Variants in BAG4 observed in about 807,000 individuals in gnomAD.
BAG4 encodes the protein BAG family molecular chaperone regulator 4.
In BAG4, 28 loss-of-function variants were observed where a neutral mutation model predicts 52.1. The observed-to-expected ratio is 0.54, with a 90% CI of 0.40 to 0.74. The LOEUF (loss-of-function observed/expected upper bound fraction) is 0.74. BAG4 is among the 30% of genes least tolerant of loss of function. The probability of loss-of-function intolerance (pLI) is 0.00; values close to 1 mark genes in which losing one functional copy is unlikely to be tolerated. For missense variants in BAG4, 525 were observed against 572.0 expected (o/e 0.92, Z 0.84); for synonymous variants, 208 against 217.0 (o/e 0.96, Z 0.37).
In BAG4 at chr8:38,207,615, C is replaced by T; in HGVS notation, c.482C>T (p.Thr161Ile). The part of the protein sequence containing the change: ...YSGAYYAPGY[T>I]QTSYSTEVPS... ...GGGGCTTATTATGCACCTGGTTATA[C>T]TCAGACCAGTTACTCCACAGAAGTT... Residue 161 changes from threonine (T) to isoleucine (I), a missense_variant, in exon 3 of 5, where the codon ACT becomes ATT. Physicochemically the swap from Thr to Ile is moderately conservative, Grantham distance 89. Around this residue, in one of 2 missense-constraint regions of BAG4, gnomAD observed 287 missense variants for 266.1 expected, o/e 1.08. Transcript: ENST00000287322. 6.2e-7 allele frequency: 1 copy of T among 1,614,102 alleles called. No homozygotes were observed. The highest frequency in any genetic ancestry group is 1.1e-5 in the South Asian group (1 of 91,082).
intron 1 of BAG4, among the ~76,000 whole-genome samples, chr8:38,184,614 T>C (rs536573995): frequency 3.3e-5 from 5 of 152,180 alleles, no homozygotes; most frequent in Non-Finnish European, 7.3e-5. Flanking sequence ...GACTGACTGC[T>C]GCGTACAGGT....
At chr8:38,178,133 CA>C (rs1803198320) in intron 1 of BAG4, among the ~76,000 whole-genome samples, 2 of 151,268 alleles carry the variant, frequency 1.3e-5, no homozygotes, top group South Asian at 4.2e-4. Context: ...TCATAATCGC[CA>C]AAAAGTAGAA....
At chr8:38,185,037 C>T (rs1025630602) in intron 1 of BAG4, among the ~76,000 whole-genome samples, 9 of 149,768 alleles carry the variant, frequency 6.0e-5, no homozygotes, top group Non-Finnish European at 1.3e-4. Flanking sequence ...TGCATTGAGC[C>T]GAGATCGCAC....
intron 2 of BAG4, among the ~76,000 whole-genome samples, chr8:38,200,289 G>A (rs1409124913): frequency 1.3e-5 from 2 of 152,126 alleles, no homozygotes; most frequent in African/African-American, 4.8e-5. Context: ...TTACAGGCAT[G>A]AGCCACCGTG....
At chr8:38,208,170 T>C (rs1346966464) in intron 3 of BAG4, among the ~76,000 whole-genome samples, 1 of 151,272 alleles carries the variant, frequency 6.6e-6, no homozygotes, top group Non-Finnish European at 1.5e-5. Context: ...AGAGATGGGG[T>C]TTCACCATGT....
intron 1 of BAG4, among the ~76,000 whole-genome samples, chr8:38,179,016 A>C (rs1803218980): frequency 1.3e-5 from 2 of 152,164 alleles, no homozygotes; most frequent in Non-Finnish European, 2.9e-5. Context: ...TTCTAAAATC[A>C]GTGGTGATGG....
chr8:38,178,911 G>A (rs916476239), intron 1 of BAG4, among the ~76,000 whole-genome samples: 3 of 152,176 alleles, frequency 2.0e-5, no homozygotes, highest in Non-Finnish European at 2.9e-5. Flanking sequence ...GAGGCTGGAG[G>A]ATTGCTTGAG....
At position 38,176,967 on chromosome 8, in the gene BAG4, C is replaced by T. The variant is rs749569625; in HGVS notation, c.98C>T (p.Pro33Leu). Residue 33 changes from proline to leucine, a missense_variant, in exon 1 of 5, where the codon CCT becomes CTT. Physicochemically the swap from Pro to Leu is moderately conservative, Grantham distance 98 (BLOSUM62 -3). Coordinates refer to ENST00000287322, the MANE Select transcript of BAG4 (RefSeq NM_004874.4). ...PGGGDVPVHPPPPLYPLRPEP... is the reference protein window; with the variant it reads ...PGGGDVPVHPLPPLYPLRPEP... ...GGTGGAGATGTGCCGGTACACCCAC[C>T]TCCACCCTTATATCCTCTTCGCCCT... 1.9e-6 allele frequency: 3 copies of T among 1,573,688 alleles called. No homozygotes were observed. The highest frequency in any genetic ancestry group is 2.7e-5 in the African/African-American group (2 of 73,950).
At chr8:38,178,843 C>A (rs1803214942) in intron 1 of BAG4, among the ~76,000 whole-genome samples, 1 of 152,042 alleles carries the variant, frequency 6.6e-6, no homozygotes, top group African/African-American at 2.4e-5. Context: ...ATGAAATGTT[C>A]TAAAATCAGG....
intron 1 of BAG4, among the ~76,000 whole-genome samples, chr8:38,178,563 A>G (rs1412088558): frequency 6.6e-6 from 1 of 152,226 alleles, no homozygotes; most frequent in East Asian, 1.9e-4. Flanking sequence ...ATAACGACTG[A>G]TGCATCGATA....
intron 1 of BAG4, among the ~76,000 whole-genome samples, chr8:38,190,904 C>T (rs1803463552): frequency 6.6e-6 from 1 of 151,844 alleles, no homozygotes; most frequent in Non-Finnish European, 1.5e-5. Flanking sequence ...ATTACAGGCA[C>T]CCACCACCAC....
At chr8:38,187,023 T>G (rs1803374595) in intron 1 of BAG4, among the ~76,000 whole-genome samples, 1 of 152,146 alleles carries the variant, frequency 6.6e-6, no homozygotes, top group South Asian at 2.1e-4. Context: ...ATGTCTAGTT[T>G]CCAACAAAGA....
At chr8:38,186,887 T>C (rs1266578318) in intron 1 of BAG4, among the ~76,000 whole-genome samples, 2 of 152,230 alleles carry the variant, frequency 1.3e-5, no homozygotes, top group African/African-American at 4.8e-5. Flanking sequence ...ACATACTTCA[T>C]ACTTGAAGTT....
At chr8:38,187,916 A>G (rs1365851048) in intron 1 of BAG4, among the ~76,000 whole-genome samples, 1 of 150,256 alleles carries the variant, frequency 6.7e-6, no homozygotes, top group Non-Finnish European at 1.5e-5. Flanking sequence ...GGGCGCCTGT[A>G]GTCCCAGCTA....
intron 4 of BAG4, 74 bp from the exon 5 acceptor site, chr8:38,209,934 T>A: frequency 6.5e-7 from 1 of 1,535,958 alleles, no homozygotes; most frequent in Admixed American, 1.9e-5. Context: ...GTGAAAGATG[T>A]GGGCTAACAA....
chr8:38,200,945 A>G (rs1410536963), intron 2 of BAG4, among the ~76,000 whole-genome samples: 1 of 152,204 alleles, frequency 6.6e-6, no homozygotes, highest in East Asian at 1.9e-4. Flanking sequence ...CAGTTTGGAG[A>G]GTAGCATGTG....
intron 1 of BAG4, among the ~76,000 whole-genome samples, chr8:38,177,984 A>G (rs1003739480): frequency 9.9e-5 from 15 of 152,098 alleles, no homozygotes; most frequent in African/African-American, 3.6e-4. Flanking sequence ...ATGGTGGAAA[A>G]TAGTTTGGTA....
In BAG4 at chr8:38,187,605, A is replaced by G. The variant is rs189682875; in HGVS notation, c.271-5083A>G. Reference sequence around the variant, plus strand: ...TGTTGAGTTTGTAACATTTGTAGACATAATGTGGATTACAATAAAATCACA... The same window carrying G: ...TGTTGAGTTTGTAACATTTGTAGACGTAATGTGGATTACAATAAAATCACA... On this transcript the variant is annotated intron_variant, in intron 1 of 4. Transcript: ENST00000287322. Among the ~76,000 whole-genome samples, 507 of 152,334 alleles carry G rather than the reference A, an allele frequency of 3.3e-3. 2 individuals are homozygous for G. The highest frequency in any genetic ancestry group is 0.012 in the African/African-American group (487 of 41,580).
intron 2 of BAG4, among the ~76,000 whole-genome samples, chr8:38,199,651 G>T (rs1000917981): frequency 4.6e-5 from 7 of 151,470 alleles, no homozygotes; most frequent in African/African-American, 1.7e-4. Flanking sequence ...AGCCTCCCAA[G>T]TAGCTGGGAA....
Sources: allele counts gnomAD v4.1 joint callset (sites outside exome capture counted in the v4.1 genomes callset), GRCh38; gene constraint gnomAD v4.1.1; regional missense constraint gnomAD v4.1.1; transcripts MANE v1.5; gene names NCBI Gene and HGNC (gene_info 2026-07-23, HGNC 2026-07-21).